POLR3B: variants seen among roughly 807,000 people sequenced by gnomAD.
POLR3B encodes RNA polymerase III subunit B, also known as DNA-directed RNA polymerase III subunit RPC2.
In POLR3B, 96 loss-of-function variants were observed where a neutral mutation model predicts 147.4. That is an observed-to-expected ratio of 0.65 (90% confidence interval 0.55 to 0.77). POLR3B has a LOEUF of 0.77. POLR3B is among the 30% of genes least tolerant of loss of function. The pLI, the probability that POLR3B is intolerant of heterozygous loss-of-function variation, is 0.00. For synonymous variants in POLR3B, 461 were observed against 485.9 expected, an observed-to-expected ratio of 0.95 and a Z score of 0.67; for missense variants, 1,036 against 1,413.5, an observed-to-expected ratio of 0.73 and a Z score of 4.28.
Position 106,427,193 on chromosome 12 carries a change from T to TG in POLR3B, c.1102-4_1102-3insG. 1.3e-6 allele frequency: 2 copies of TG among 1,495,224 alleles called. No homozygotes were observed. The highest frequency in any genetic ancestry group is 1.2e-5 in the South Asian group (1 of 82,022). The allele number at this position is 1,495,224 out of a possible 1,614,324, so 92.6% of individuals were successfully genotyped here. On this transcript the variant is annotated splice_region_variant and splice_polypyrimidine_tract_variant and intron_variant, in intron 12 of 27. Coordinates refer to ENST00000228347, the MANE Select transcript of POLR3B (RefSeq NM_018082.6). ...TCACCATATACCTTTTTTTTTTTTT[T>TG]TAGCTTTTATCTCTTCTTTTTGAAG...
chr12:106,404,619 T>C (rs780138643), intron 10 of POLR3B, among the ~76,000 whole-genome samples: 5 of 152,212 alleles, frequency 3.3e-5, no homozygotes, highest in Admixed American at 6.5e-5. Context: ...CTTTTTATTA[T>C]TGACTTTAAG....
chr12:106,391,987 G>A (rs1426240445), intron 9 of POLR3B, among the ~76,000 whole-genome samples: 1 of 152,092 alleles, frequency 6.6e-6, no homozygotes, highest in Non-Finnish European at 1.5e-5. Context: ...ACTCTTCCAG[G>A]AGAGATTTAG....
intron 9 of POLR3B, among the ~76,000 whole-genome samples, chr12:106,392,761 G>A (rs907309716): frequency 2.6e-5 from 4 of 152,084 alleles, no homozygotes; most frequent in African/African-American, 9.7e-5. Flanking sequence ...TTTTCGTGAT[G>A]AAACTCTTAG....
In POLR3B at chr12:106,509,157, T is replaced by G. The variant is rs150873787; in HGVS notation, c.3273-263T>G. Among the ~76,000 whole-genome samples the G allele has an allele frequency of 1.2e-3, 181 of 152,314 alleles. 2 individuals carry two copies. The highest frequency in any genetic ancestry group is 4.2e-3 in the African/African-American group (174 of 41,580). On this transcript the variant is annotated intron_variant, in intron 27 of 27. Coordinates refer to ENST00000228347, the MANE Select transcript of POLR3B (RefSeq NM_018082.6). ...TACATTTTAAGGAGAAAGGGCTGGA[T>G]GTGTGGTAACAACTGACTCAACTTG...
chr12:106,392,424 A>G (rs971258096), intron 9 of POLR3B, among the ~76,000 whole-genome samples: 5 of 152,138 alleles, frequency 3.3e-5, no homozygotes, highest in Admixed American at 2.6e-4. Context: ...CGGCCTCCCA[A>G]AGTGCTAGGA....
At chr12:106,392,330 T>C (rs1000352667) in intron 9 of POLR3B, among the ~76,000 whole-genome samples, 17 of 152,072 alleles carry the variant, frequency 1.1e-4, no homozygotes, top group Admixed American at 8.5e-4. Flanking sequence ...ATCTGGCTAA[T>C]TTTTGTATTT....
At chr12:106,367,912 T>C (rs1333240342) in intron 4 of POLR3B, among the ~76,000 whole-genome samples, 1 of 152,242 alleles carries the variant, frequency 6.6e-6, no homozygotes, top group Non-Finnish European at 1.5e-5. Flanking sequence ...GCTTATCTAA[T>C]GGTGAACCTT....
At chr12:106,434,083 T>C (rs1438257683) in intron 16 of POLR3B, among the ~76,000 whole-genome samples, 1 of 152,188 alleles carries the variant, frequency 6.6e-6, no homozygotes, top group Admixed American at 6.5e-5. Flanking sequence ...GAGAGCTCAG[T>C]CTGCCGGGAA....
intron 23 of POLR3B, among the ~76,000 whole-genome samples, chr12:106,467,354 T>C (rs1241204845): frequency 6.6e-6 from 1 of 152,242 alleles, no homozygotes; most frequent in East Asian, 1.9e-4. Context: ...GATTTTGGGC[T>C]GAGACGATGG....
intron 23 of POLR3B, among the ~76,000 whole-genome samples, chr12:106,472,256 C>G (rs1359731123): frequency 6.7e-6 from 1 of 150,260 alleles, no homozygotes; most frequent in African/African-American, 2.5e-5. Flanking sequence ...TTAATCCAGT[C>G]TATCATTGTT....
chr12:106,358,676 T>A (rs1330261693), intron 1 of POLR3B, among the ~76,000 whole-genome samples: 1 of 152,018 alleles, frequency 6.6e-6, no homozygotes, highest in Non-Finnish European at 1.5e-5. Flanking sequence ...AAAGGAGAGA[T>A]TTCAGGGAAA....
At chr12:106,443,242 C>A (rs908523151) in intron 18 of POLR3B, among the ~76,000 whole-genome samples, 1 of 152,160 alleles carries the variant, frequency 6.6e-6, no homozygotes, top group Non-Finnish European at 1.5e-5. Flanking sequence ...CACATTTCAA[C>A]TTGGATGCCA....
chr12:106,366,795 C>A, intron 4 of POLR3B, 73 bp downstream of exon 4: 2 of 1,201,692 alleles, frequency 1.7e-6, no homozygotes, highest in Non-Finnish European at 1.2e-6. Context: ...AAGTTGCTAT[C>A]AAAACTCTTT....
At chr12:106,370,633 T>G (rs1565874793) in intron 6 of POLR3B, among the ~76,000 whole-genome samples, 1 of 143,782 alleles carries the variant, frequency 7.0e-6, no homozygotes, top group Non-Finnish European at 1.5e-5. Flanking sequence ...GTTTTATTGT[T>G]TTTTTTTTTT....
chr12:106,384,979 C>A (rs1265137983), intron 9 of POLR3B, among the ~76,000 whole-genome samples: 1 of 152,048 alleles, frequency 6.6e-6, no homozygotes, highest in African/African-American at 2.4e-5. Context: ...GCGCCCTCCA[C>A]CACGCCCAGC....
At chr12:106,391,395 C>T (rs1181221661) in intron 9 of POLR3B, among the ~76,000 whole-genome samples, 1 of 152,150 alleles carries the variant, frequency 6.6e-6, no homozygotes, top group Non-Finnish European at 1.5e-5. Flanking sequence ...TGAGCTTAGC[C>T]TGCACTTGGG....
intron 1 of POLR3B, among the ~76,000 whole-genome samples, chr12:106,358,545 A>C (rs2036422382): frequency 6.6e-6 from 1 of 152,226 alleles, no homozygotes. Flanking sequence ...CGAGCTGCCC[A>C]GTGAAGTGCG....
At chr12:106,410,494 TG>T in intron 11 of POLR3B, 1 of 308,514 alleles carries the variant, frequency 3.2e-6, no homozygotes, top group Non-Finnish European at 6.2e-6. Context: ...TCATTTCAGC[TG>T]TATTCTCTTG....
chr12:106,414,428 T>C (rs1201390145), intron 12 of POLR3B, among the ~76,000 whole-genome samples: 2 of 152,070 alleles, frequency 1.3e-5, no homozygotes, highest in East Asian at 3.9e-4. Context: ...TTTGGGGATA[T>C]GTATTTTCTT....
Sources: gnomAD v4.1 joint callset for allele counts (sites outside exome capture counted in the v4.1 genomes callset) on GRCh38, gnomAD v4.1.1 for gene constraint, MANE v1.5 for transcripts, NCBI Gene and HGNC (gene_info 2026-07-23, HGNC 2026-07-21) for gene names.